The following DISC1 variants were observed in gnomAD, a reference collection of about 807,000 sequenced individuals.
DISC1 encodes DISC1 scaffold protein.
A neutral mutation model predicts 84.5 loss-of-function variants in DISC1; 57 were observed. That is an observed-to-expected ratio of 0.67 (90% CI 0.55 to 0.84). The LOEUF (loss-of-function observed/expected upper bound fraction) is 0.84. Among genes scored for constraint, DISC1 ranks in the 40% least tolerant of loss-of-function variants. The pLI, the probability that DISC1 is intolerant of heterozygous loss-of-function variation, is 0.00. For synonymous variants in DISC1, 411 were observed against 415.2 expected (o/e 0.99, Z 0.12); for missense variants, 1,000 against 1,057.8 (o/e 0.95, Z 0.76).
chr1:231,811,537 C>T (rs1158844996), intron 8 of DISC1, among the ~76,000 whole-genome samples: 1 of 152,160 alleles, frequency 6.6e-6, no homozygotes, highest in African/African-American at 2.4e-5. Context: ...TTTTTTTCCA[C>T]TAAAGAAGTA....
Position 231,980,672 on chromosome 1 carries a change from C to T in DISC1, c.2042+21784C>T, listed in dbSNP as rs1312997208. 2.6e-5 allele frequency among the ~76,000 whole-genome samples: 4 copies of T among 152,158 alleles called. No individual in the cohort carries two copies. In the East Asian group the frequency reaches 5.8e-4, roughly 22 times the overall value. On this transcript the variant is annotated intron_variant, in intron 10 of 12. Coordinates refer to ENST00000439617, the MANE Select transcript of DISC1 (RefSeq NM_018662.3). ...TTGCTTACCATATTTCATTGAAGGG[C>T]ATTTGGTTGGTTTCTAACTTTTTGT...
At chr1:231,988,113 G>T (rs1398064551) in intron 10 of DISC1, among the ~76,000 whole-genome samples, 6 of 152,134 alleles carry the variant, frequency 3.9e-5, no homozygotes. Flanking sequence ...TTGAACCTGG[G>T]AGGCAGAGGT....
chr1:231,904,018 G>C (rs971261517), intron 9 of DISC1, among the ~76,000 whole-genome samples: 9 of 152,304 alleles, frequency 5.9e-5, no homozygotes, highest in African/African-American at 1.9e-4. Flanking sequence ...GGCAGCATGG[G>C]AGCCAGGACA....
In DISC1 at chr1:232,036,750, G is replaced by C. The variant is rs1323489616; in HGVS notation, c.2484G>C (p.Gln828His). 2 of 1,607,988 alleles carry C rather than the reference G, an allele frequency of 1.2e-6. No individual in the cohort carries two copies. The highest frequency in any genetic ancestry group is 2.7e-5 in the African/African-American group (2 of 74,822). Residue 828 changes from glutamine to histidine, a missense_variant, in exon 13 of 13, where the codon CAG becomes CAC. Coordinates refer to ENST00000439617, the MANE Select transcript of DISC1 (RefSeq NM_018662.3). Reference protein sequence around the residue: ...VKETLQAMILQLQPAKEAGER... With the variant: ...VKETLQAMILHLQPAKEAGER... ...AAACTCTGCAGGCCATGATCCTGCA[G>C]CTCCAGCCAGCAAAGGAGGCGGGAG... is the stretch of plus-strand genomic sequence containing the variant.
At chr1:231,847,395 G>C (rs1344487971) in intron 9 of DISC1, among the ~76,000 whole-genome samples, 3 of 152,050 alleles carry the variant, frequency 2.0e-5, no homozygotes, top group Non-Finnish European at 4.4e-5. Flanking sequence ...ATAAGTTTTG[G>C]GGGAGGACAC....
chr1:231,677,417 T>C (rs901753868), intron 1 of DISC1, among the ~76,000 whole-genome samples: 1 of 152,182 alleles, frequency 6.6e-6, no homozygotes, highest in Non-Finnish European at 1.5e-5. Context: ...GCTGGAAAAT[T>C]CCAAAATGTT....
intron 9 of DISC1, among the ~76,000 whole-genome samples, chr1:231,825,177 T>C (rs1316930877): frequency 6.6e-6 from 1 of 152,352 alleles, no homozygotes; most frequent in South Asian, 2.1e-4. Context: ...TACATCTTTT[T>C]TCACTTGTCT....
At chr1:231,779,367 G>C (rs1297811649) in intron 6 of DISC1, among the ~76,000 whole-genome samples, 1 of 152,060 alleles carries the variant, frequency 6.6e-6, no homozygotes, top group Non-Finnish European at 1.5e-5. Context: ...GTTCTGAAAA[G>C]ACCTTTTACA....
At chr1:231,992,287 T>G (rs2102922715) in intron 10 of DISC1, among the ~76,000 whole-genome samples, 1 of 152,368 alleles carries the variant, frequency 6.6e-6, no homozygotes, top group South Asian at 2.1e-4. Context: ...TTATATTGGA[T>G]GCAAATCACG....
intron 9 of DISC1, among the ~76,000 whole-genome samples, chr1:231,894,906 C>T (rs1437776206): frequency 6.6e-6 from 1 of 151,640 alleles, no homozygotes; most frequent in Non-Finnish European, 1.5e-5. Flanking sequence ...TCCCTCTCCC[C>T]ATCTTATCAC....
At chr1:231,648,413 T>C (rs2060319350) in intron 1 of DISC1, among the ~76,000 whole-genome samples, 1 of 152,246 alleles carries the variant, frequency 6.6e-6, no homozygotes, top group African/African-American at 2.4e-5. Flanking sequence ...GAAGCTGACC[T>C]GATCATGGTG....
intron 10 of DISC1, among the ~76,000 whole-genome samples, chr1:231,988,952 T>A (rs896204407): frequency 2.0e-5 from 3 of 152,218 alleles, no homozygotes; most frequent in African/African-American, 7.2e-5. Context: ...ATTGTCACAT[T>A]GACCAGGTCT....
At chr1:231,947,661 T>C (rs1188586941) in intron 9 of DISC1, among the ~76,000 whole-genome samples, 1 of 152,188 alleles carries the variant, frequency 6.6e-6, no homozygotes, top group African/African-American at 2.4e-5. Flanking sequence ...ATCATCAGCA[T>C]GAACAGGCAA....
At chr1:231,821,714 C>CTTTT (rs200487656) in intron 9 of DISC1, among the ~76,000 whole-genome samples, 55 of 137,234 alleles carry the variant, frequency 4.0e-4, no homozygotes, top group Admixed American at 1.6e-3. Context: ...GCTACATCTG[C>CTTTT]TTTTTTTTTT....
intron 9 of DISC1, among the ~76,000 whole-genome samples, chr1:231,820,956 A>G (rs1212603930): frequency 6.6e-6 from 1 of 152,164 alleles, no homozygotes; most frequent in Non-Finnish European, 1.5e-5. Context: ...AGACCTTTTA[A>G]TGATGTGAAG....
chr1:231,706,788 A>G (rs563088200), intron 3 of DISC1, among the ~76,000 whole-genome samples: 3 of 152,340 alleles, frequency 2.0e-5, no homozygotes, highest in African/African-American at 7.2e-5. Flanking sequence ...CTCTAGGGTG[A>G]GTCTTTTGTC....
At chr1:231,726,601 G>C (rs1275210362) in intron 3 of DISC1, among the ~76,000 whole-genome samples, 1 of 152,176 alleles carries the variant, frequency 6.6e-6, no homozygotes, top group East Asian at 1.9e-4. Context: ...AAGACGGGCT[G>C]TATTCCCTCC....
Position 231,775,878 on chromosome 1 carries a change from C to G in DISC1, c.1634+4808C>G, listed in dbSNP as rs368172293. Among the ~76,000 whole-genome samples, 5 of 152,132 alleles carry G rather than the reference C, an allele frequency of 3.3e-5. No homozygotes were observed. The East Asian group carries it at 9.7e-4, about 30-fold the overall frequency. ...GAAACCCATGGTTCTTGTTCTACCC[C>G]CTGCTGACTGCATTCCCATTCTCTG... On this transcript the variant is annotated intron_variant, in intron 6 of 12. Coordinates refer to ENST00000439617, the MANE Select transcript of DISC1 (RefSeq NM_018662.3).
intron 9 of DISC1, among the ~76,000 whole-genome samples, chr1:231,822,481 G>T (rs2081564579): frequency 6.6e-6 from 1 of 152,176 alleles, no homozygotes; most frequent in South Asian, 2.1e-4. Context: ...CAGTTGAAGG[G>T]CAATGAGGTT....
Sources: gnomAD v4.1 joint callset for allele counts (sites outside exome capture counted in the v4.1 genomes callset) on GRCh38, gnomAD v4.1.1 for gene constraint, MANE v1.5 for transcripts, NCBI Gene and HGNC (gene_info 2026-07-23, HGNC 2026-07-21) for gene names.